The following ZNF730 variants were observed in gnomAD, a reference collection of about 807,000 sequenced individuals.
ZNF730 encodes the protein putative zinc finger protein 730.
Under a neutral mutation model 12.6 loss-of-function variants are expected in ZNF730, and 12 were observed. The ratio of observed to expected loss-of-function variants is 0.95; its 90% confidence interval spans 0.61 to 1.54. The LOEUF is 1.54. ZNF730 is among the 40% of genes most tolerant of loss of function. ZNF730 has a pLI of 0.00. For synonymous variants in ZNF730, 194 were observed against 195.8 expected (o/e 0.99, Z 0.08); for missense variants, 643 against 583.5 (o/e 1.10, Z -1.05).
chr19:23,086,397 G>A (rs1970065022), intron 1 of ZNF730, among the ~76,000 whole-genome samples: 1 of 152,030 alleles, frequency 6.6e-6, no homozygotes, highest in Non-Finnish European at 1.5e-5. Context: ...CCTGAATCAT[G>A]TTACCTAGGT....
intron 1 of ZNF730, among the ~76,000 whole-genome samples, chr19:23,090,589 A>C (rs1328301126): frequency 1.3e-5 from 2 of 152,216 alleles, no homozygotes; most frequent in Admixed American, 6.5e-5. Context: ...AGAAATTTGC[A>C]TAAGTAGCAA....
chr19:23,099,826 C>G (rs953966220), intron 1 of ZNF730, among the ~76,000 whole-genome samples: 2 of 152,138 alleles, frequency 1.3e-5, no homozygotes, highest in Admixed American at 1.3e-4. Flanking sequence ...TTATTTGACT[C>G]TCACCTGGGC....
intron 2 of ZNF730, 85 bp downstream of exon 2, chr19:23,134,291 G>A: frequency 4.8e-6 from 6 of 1,237,140 alleles, no homozygotes; most frequent in Non-Finnish European, 5.5e-6. Context: ...TCAGATCCCG[G>A]GTTTTTTTCT....
intron 1 of ZNF730, chr19:23,100,353 C>G (rs961354796): frequency 9.9e-5 from 15 of 152,180 alleles, no homozygotes; most frequent in Non-Finnish European, 2.1e-4. Flanking sequence ...GTTAATGTTG[C>G]TCCTAGGTAG....
intron 1 of ZNF730, chr19:23,095,327 T>A (rs2145505395): frequency 2.5e-6 from 1 of 398,580 alleles, no homozygotes; most frequent in East Asian, 3.6e-5. Context: ...GTGTGCCCTG[T>A]CCATGTGGGC....
rs1309231562 is a variant in ZNF730 at position 23,103,604 on chromosome 19, T to A, written c.-94+28217T>A. On this transcript the variant is annotated intron_variant, in intron 1 of 2. Transcript: ENST00000593635. Reference sequence around the variant, plus strand: ...TCCTGATTCCTGGCTTTTGGATACTTCAGAGGGTCCCTGGAGTATCTAAAA... The same window carrying A: ...TCCTGATTCCTGGCTTTTGGATACTACAGAGGGTCCCTGGAGTATCTAAAA... Among the ~76,000 whole-genome samples the A allele has an allele frequency of 3.3e-5, 5 of 152,224 alleles. 1 individual carries two copies. The highest frequency in any genetic ancestry group is 3.3e-4 in the Admixed American group (5 of 15,270).
intron 1 of ZNF730, chr19:23,123,079 A>T (rs1489212850): frequency 6.6e-6 from 1 of 152,248 alleles, no homozygotes; most frequent in African/African-American, 2.4e-5. Flanking sequence ...GGACAAATAA[A>T]CATAATGGGC....
upstream of ZNF730, among the ~76,000 whole-genome samples, chr19:23,112,382 A>T (rs534961772): frequency 6.6e-6 from 1 of 152,280 alleles, no homozygotes; most frequent in East Asian, 1.9e-4. Context: ...ATATGTAGAG[A>T]ATTTTGCAGC....
chr19:23,104,402 A>G (rs1182741640), intron 1 of ZNF730, among the ~76,000 whole-genome samples: 1 of 152,038 alleles, frequency 6.6e-6, no homozygotes, highest in African/African-American at 2.4e-5. Context: ...CACTCAGAAA[A>G]CTAAAGCAAC....
At chr19:23,120,965 A>G (rs1164528402) in intron 1 of ZNF730, among the ~76,000 whole-genome samples, 1 of 152,234 alleles carries the variant, frequency 6.6e-6, no homozygotes, top group African/African-American at 2.4e-5. Context: ...TTCAAAAGTC[A>G]TTCACATGCA....
rs376378172 is a variant in ZNF730 at position 23,092,666 on chromosome 19, G to A, written c.-94+17279G>A. Among the ~76,000 whole-genome samples, 25 of 152,030 alleles carry A rather than the reference G, an allele frequency of 1.6e-4. No individual in the cohort carries two copies. The South Asian group carries it at 3.3e-3, about 20-fold the overall frequency. ...TCAAACTCCTGACTTCAGATGATCC[G>A]CCCACCTCGGCCTCCCAAAGTGCTG... On this transcript the variant is annotated intron_variant, in intron 1 of 2. Transcript: ENST00000593635.
chr19:23,141,901 T>C (rs1970926419), intron 3 of ZNF730, among the ~76,000 whole-genome samples: 1 of 152,208 alleles, frequency 6.6e-6, no homozygotes, highest in Non-Finnish European at 1.5e-5. Flanking sequence ...CTTACTAATA[T>C]TCTGTCTTGT....
At chr19:23,139,006 G>A (rs868659976) in intron 3 of ZNF730, among the ~76,000 whole-genome samples, 26 of 151,828 alleles carry the variant, frequency 1.7e-4, no homozygotes, top group Middle Eastern at 3.2e-3. Flanking sequence ...TCAATTTTGT[G>A]TGTAATTTTA....
chr19:23,136,111 C>G, intron 3 of ZNF730, 68 bp downstream of exon 3: 1 of 1,179,442 alleles, frequency 8.5e-7, no homozygotes, highest in Non-Finnish European at 1.1e-6. Flanking sequence ...GAAAAAAAAC[C>G]AGTTTTTAAA....
At chr19:23,139,793 G>A (rs946665615) in intron 3 of ZNF730, among the ~76,000 whole-genome samples, 2 of 152,084 alleles carry the variant, frequency 1.3e-5, no homozygotes, top group African/African-American at 4.8e-5. Context: ...CCAAAGTGCT[G>A]GGATTACAGA....
At chr19:23,138,413 A>G (rs1970864412) in intron 3 of ZNF730, among the ~76,000 whole-genome samples, 1 of 152,208 alleles carries the variant, frequency 6.6e-6, no homozygotes, top group South Asian at 2.1e-4. Context: ...GAACTGAGTC[A>G]TGCAAGTGCT....
At chr19:23,137,030 C>T (rs1448777814) in intron 3 of ZNF730, among the ~76,000 whole-genome samples, 7 of 152,020 alleles carry the variant, frequency 4.6e-5, no homozygotes, top group South Asian at 2.1e-4. Context: ...ATTAGCCGGA[C>T]GTGGTGGCAG....
chr19:23,077,210 GTAAT>G (rs1002113266), intron 1 of ZNF730, among the ~76,000 whole-genome samples: 4 of 151,952 alleles, frequency 2.6e-5, no homozygotes, highest in Non-Finnish European at 5.9e-5. Flanking sequence ...AACAAAAAAA[GTAAT>G]TAATGGGTAC....
chr19:23,122,968 T>C (rs891896283), intron 1 of ZNF730, among the ~76,000 whole-genome samples: 48 of 152,194 alleles, frequency 3.2e-4, no homozygotes, highest in African/African-American at 9.9e-4. Context: ...GTTACAGTTG[T>C]TATTAGTTTG....
Sources: gnomAD v4.1 joint callset for allele counts (sites outside exome capture counted in the v4.1 genomes callset) on GRCh38, gnomAD v4.1.1 for gene constraint, MANE v1.5 for transcripts, NCBI Gene and HGNC (gene_info 2026-07-23, HGNC 2026-07-21) for gene names.